The following GBF1 variants were observed in gnomAD, a reference collection of about 807,000 sequenced individuals.
GBF1 encodes golgi brefeldin A resistant guanine nucleotide exchange factor 1.
GBF1 carries 114 observed loss-of-function variants against 210.5 expected under a neutral mutation model. The observed-to-expected ratio is 0.54, with a 90% CI of 0.47 to 0.63. The LOEUF is 0.63. Ranked by LOEUF, GBF1 falls within the 30% of genes least tolerant of loss-of-function variation. GBF1 has a pLI of 0.00. For synonymous variants in GBF1, 850 were observed against 889.2 expected (o/e 0.96, Z 0.78); for missense variants, 1,851 against 2,357.7 (o/e 0.79, Z 4.45).
intron 3 of GBF1, among the ~76,000 whole-genome samples, chr10:102,327,585 ATTC>A (rs1375869797): frequency 6.6e-6 from 1 of 152,178 alleles, no homozygotes; most frequent in African/African-American, 2.4e-5. Flanking sequence ...TCTAGGAATC[ATTC>A]TTGTTTCTAT....
chr10:102,281,025 A>G (rs887568138), intron 3 of GBF1, among the ~76,000 whole-genome samples: 2 of 152,086 alleles, frequency 1.3e-5, no homozygotes, highest in Non-Finnish European at 2.9e-5. Flanking sequence ...GCTGAATTCT[A>G]TCTCTGGATG....
intron 3 of GBF1, among the ~76,000 whole-genome samples, chr10:102,343,200 T>A (rs780927129): frequency 6.6e-6 from 1 of 152,142 alleles, no homozygotes; most frequent in African/African-American, 2.4e-5. Flanking sequence ...CTTGTTAAAC[T>A]TTTTTCTCAG....
chr10:102,327,599 T>C (rs4917966), intron 3 of GBF1, among the ~76,000 whole-genome samples: 150,920 of 152,304 alleles, frequency 0.99, 74,792 homozygotes, highest in East Asian at 1. Context: ...TTGTTTCTAT[T>C]CTTATTTCTT....
intron 4 of GBF1, among the ~76,000 whole-genome samples, chr10:102,348,503 C>T (rs1465995190): frequency 1.3e-5 from 2 of 152,236 alleles, no homozygotes; most frequent in Admixed American, 6.5e-5. Context: ...TGAAATGCTA[C>T]ACAACACTGA....
chr10:102,370,631 C>T, intron 28 of GBF1, 76 bp from the exon 29 acceptor site: 1 of 1,467,486 alleles, frequency 6.8e-7, no homozygotes, highest in Non-Finnish European at 9.5e-7. Context: ...ACCAATGAGT[C>T]CTGAAAGGCC....
intron 1 of GBF1, among the ~76,000 whole-genome samples, chr10:102,252,040 T>TAAAAAAGTGG (rs2071602489): frequency 6.6e-6 from 1 of 151,398 alleles, no homozygotes; most frequent in Non-Finnish European, 1.5e-5. Flanking sequence ...AATACTCTGC[T>TAAAAAAGTGG]AAAAAAGTGG....
At position 102,370,956 on chromosome 10, in the gene GBF1, A is replaced by C. The variant is rs2060174605; in HGVS notation, c.3660+96A>C. On this transcript the variant is annotated intron_variant, in intron 29 of 39. Transcript: ENST00000369983. ...ATGGCCTGAGACAGAGAGTACATTT[A>C]GTGCCCCATAGCATGAGTCCAGTGA... 37 of 1,181,936 alleles carry C rather than the reference A, an allele frequency of 3.1e-5. No individual in the cohort carries two copies. In the South Asian group the frequency reaches 4.8e-4, roughly 15 times the overall value. The allele number at this position is 1,181,936 out of a possible 1,614,324, so 73.2% of individuals were successfully genotyped here.
chr10:102,342,480 G>C (rs994016208), intron 3 of GBF1, among the ~76,000 whole-genome samples: 1 of 152,018 alleles, frequency 6.6e-6, no homozygotes, highest in Non-Finnish European at 1.5e-5. Context: ...GGTGGGGGTA[G>C]TAGGGGAAGA....
chr10:102,335,351 C>T (rs1324399330), intron 3 of GBF1, among the ~76,000 whole-genome samples: 2 of 152,112 alleles, frequency 1.3e-5, no homozygotes, highest in Non-Finnish European at 2.9e-5. Context: ...GACAGTCTTC[C>T]AGGGCGGGAA....
chr10:102,239,284 C>T, the GBF1 span, among the ~76,000 whole-genome samples: 1 of 152,228 alleles, frequency 6.6e-6, no homozygotes, highest in Admixed American at 6.5e-5. Flanking sequence ...CTTTTGTTTC[C>T]AATCACCTTC....
At chr10:102,352,037 G>A in intron 6 of GBF1, 86 bp downstream of exon 6, 1 of 788,046 alleles carries the variant, frequency 1.3e-6, no homozygotes, top group Middle Eastern at 2.5e-4. Context: ...CAGAGAGATG[G>A]AAAATTCAGG....
At chr10:102,331,899 G>A (rs372019645) in intron 3 of GBF1, among the ~76,000 whole-genome samples, 102 of 128,222 alleles carry the variant, frequency 8.0e-4, no homozygotes, top group East Asian at 7.4e-3. Context: ...TGGCTCTGTC[G>A]CCCAGGCTGG....
In GBF1 at chr10:102,368,372, G is replaced by A; in HGVS notation, c.2797G>A (p.Gly933Ser). Reference sequence around the variant, plus strand: ...TCTTGACCTCTTCACCATGACCTGGGGCCCCACTATTGCTGCTCTCTCTTA... The same window carrying A: ...TCTTGACCTCTTCACCATGACCTGGAGCCCCACTATTGCTGCTCTCTCTTA... ...YDLDLFTMTW[G>S]PTIAALSYVF... The change falls in exon 22 of 40, where the codon GGC becomes AGC. Residue 933 changes from glycine to serine, a missense_variant. Gly to Ser is a moderately conservative substitution (Grantham distance 56, BLOSUM62 0). Transcript: ENST00000369983. The A allele has an allele frequency of 6.2e-7, 1 of 1,614,044 alleles. No individual in the cohort carries two copies.
rs2060530779 is a variant in GBF1 at position 102,376,878 on chromosome 10, C to T, written c.4289-57C>T. The T allele has an allele frequency of 6.2e-6, 10 of 1,606,240 alleles. No homozygotes were observed. In the South Asian group the frequency reaches 9.9e-5, roughly 16 times the overall value. On this transcript the variant is annotated intron_variant, in intron 32 of 39. Coordinates refer to ENST00000369983, the MANE Select transcript of GBF1 (RefSeq NM_001377137.1). ...GGAGAGGCTGAGAGGGGAGAAAAGG[C>T]AGGGTATCTATGCCTATATAGACAC...
intron 3 of GBF1, among the ~76,000 whole-genome samples, chr10:102,317,403 G>A (rs1396274989): frequency 6.6e-6 from 1 of 152,108 alleles, no homozygotes; most frequent in African/African-American, 2.4e-5. Flanking sequence ...TGGATCACCT[G>A]AGGTCAGGAG....
At chr10:102,268,335 A>G (rs1353587567) in intron 3 of GBF1, among the ~76,000 whole-genome samples, 1 of 152,218 alleles carries the variant, frequency 6.6e-6, no homozygotes, top group African/African-American at 2.4e-5. Flanking sequence ...CATGTATCAG[A>G]AAAGGAATTG....
At chr10:102,236,935 T>C in the GBF1 span, among the ~76,000 whole-genome samples, 2 of 152,246 alleles carry the variant, frequency 1.3e-5, no homozygotes, top group African/African-American at 4.8e-5. Context: ...TTAGGGACGC[T>C]GAGCACCCAG....
the GBF1 span, chr10:102,231,588 C>G: frequency 6.3e-7 from 1 of 1,591,492 alleles, no homozygotes; most frequent in South Asian, 1.1e-5. Flanking sequence ...GAGAGCATAC[C>G]CGCACGCGGG....
chr10:102,288,722 G>GA (rs1348947076), intron 3 of GBF1, among the ~76,000 whole-genome samples: 22,494 of 80,426 alleles, frequency 0.28, 2,410 homozygotes, highest in Non-Finnish European at 0.32. Context: ...CGTCTCAAAG[G>GA]AAAAAAAAAA....
Sources: gnomAD v4.1 joint callset for allele counts (sites outside exome capture counted in the v4.1 genomes callset) on GRCh38, gnomAD v4.1.1 for gene constraint, MANE v1.5 for transcripts, NCBI Gene and HGNC (gene_info 2026-07-23, HGNC 2026-07-21) for gene names.